Variants in ADH5 observed in about 807,000 individuals in gnomAD.
ADH5 encodes alcohol dehydrogenase 5 (class III), chi polypeptide.
A neutral mutation model predicts 40.3 loss-of-function variants in ADH5; 32 were observed. The observed-to-expected ratio is 0.79, with a 90% CI of 0.60 to 1.07. ADH5 has a LOEUF of 1.07. Among genes scored for constraint, ADH5 ranks in the 50% least tolerant of loss-of-function variants. The pLI is 0.00. For synonymous variants in ADH5, 125 were observed against 154.3 expected (o/e 0.81, Z 1.41); for missense variants, 353 against 460.5 (o/e 0.77, Z 2.14).
intron 4 of ADH5, among the ~76,000 whole-genome samples, chr4:99,078,343 A>G (rs1466085511): frequency 6.6e-6 from 1 of 152,254 alleles, no homozygotes; most frequent in East Asian, 1.9e-4. Context: ...AAGAGCAAAT[A>G]CATTTCCTTT....
intron 1 of ADH5, among the ~76,000 whole-genome samples, chr4:99,086,716 G>T (rs188726203): frequency 2.6e-5 from 4 of 151,744 alleles, no homozygotes; most frequent in African/African-American, 7.3e-5. Context: ...AGGCCGAGGC[G>T]GGCGGATCAC....
intron 4 of ADH5, 86 bp from the exon 5 acceptor site, chr4:99,077,009 A>T: frequency 1.0e-6 from 1 of 959,642 alleles, no homozygotes; most frequent in Non-Finnish European, 1.5e-6. Context: ...AATAATGACC[A>T]GTAAATATTA....
At chr4:99,081,584 G>A in intron 3 of ADH5, 132 bp from the exon 4 acceptor site, 1 of 653,876 alleles carries the variant, frequency 1.5e-6, no homozygotes, top group Non-Finnish European at 2.7e-6. Context: ...ACTTTACCTA[G>A]GTAACATCAT....
chr4:99,084,724 T>G (rs1190691119), intron 2 of ADH5, among the ~76,000 whole-genome samples: 3 of 152,218 alleles, frequency 2.0e-5, no homozygotes, highest in Non-Finnish European at 4.4e-5. Context: ...ACAAGAACCC[T>G]CTCTGGGGTC....
chr4:99,077,500 T>TAA (rs28730620), intron 4 of ADH5, among the ~76,000 whole-genome samples: 2 of 150,704 alleles, frequency 1.3e-5, no homozygotes, highest in African/African-American at 4.9e-5. Context: ...GTCTCAAAAA[T>TAA]AAAAAAAAAT....
At chr4:99,085,301 T>G (rs1046592197) in intron 1 of ADH5, 85 bp from the exon 2 acceptor site, 3 of 529,814 alleles carry the variant, frequency 5.7e-6, no homozygotes, top group African/African-American at 2.0e-5. Flanking sequence ...AGATTAATGC[T>G]AATCTTAAAA....
chr4:99,087,208 ACC>A (rs1310604346), intron 1 of ADH5, among the ~76,000 whole-genome samples: 1 of 151,890 alleles, frequency 6.6e-6, no homozygotes, highest in African/African-American at 2.4e-5. Flanking sequence ...CTATGGCGAA[ACC>A]CCGTCTCTAC....
chr4:99,082,764 C>A (rs761278804), intron 2 of ADH5, among the ~76,000 whole-genome samples: 1 of 152,152 alleles, frequency 6.6e-6, no homozygotes, highest in Non-Finnish European at 1.5e-5. Flanking sequence ...GCAAACTCCG[C>A]CTCCTGGGTT....
chr4:99,079,099 G>A lies in ADH5; in HGVS notation c.345-2176C>T, dbSNP rs28730612. ...CAAGTGTAAACTGGTACAAGTACAC[G>A]AGAGAGCTGTAGATGCATATCTTAC... On this transcript the variant is annotated intron_variant, in intron 4 of 8. Transcript: ENST00000296412. Among the ~76,000 whole-genome samples the A allele has an allele frequency of 5.5e-3, 842 of 152,310 alleles. 13 individuals carry two copies. Among genetic ancestry groups the A allele is most frequent in the Admixed American group, 0.031 (469 of 15,296 alleles).
intron 7 of ADH5, among the ~76,000 whole-genome samples, chr4:99,073,367 A>G (rs890689664): frequency 6.6e-6 from 1 of 152,102 alleles, no homozygotes; most frequent in Non-Finnish European, 1.5e-5. Flanking sequence ...TTTAGTAAAG[A>G]TGGGGTTTCA....
intron 7 of ADH5, among the ~76,000 whole-genome samples, chr4:99,073,108 T>C (rs554800445): frequency 2.0e-5 from 3 of 152,370 alleles, no homozygotes; most frequent in Non-Finnish European, 4.4e-5. Flanking sequence ...AACAATGAAA[T>C]AGGGATAGCA....
intron 1 of ADH5, among the ~76,000 whole-genome samples, chr4:99,086,529 C>A (rs555270052): frequency 6.6e-6 from 1 of 152,264 alleles, no homozygotes; most frequent in East Asian, 1.9e-4. Context: ...AAGAGTGTAA[C>A]TTTGCTTGGT....
chr4:99,072,894 T>C (rs28730641), intron 7 of ADH5, among the ~76,000 whole-genome samples, 183 bp from the exon 8 acceptor site: 9,572 of 152,272 alleles, frequency 0.063, 464 homozygotes, highest in African/African-American at 0.14. Context: ...TAAATACTTT[T>C]GAAATTTCCC....
chr4:99,087,607 A>T (rs73832541), intron 1 of ADH5, among the ~76,000 whole-genome samples: 43 of 152,344 alleles, frequency 2.8e-4, no homozygotes, highest in African/African-American at 1.0e-3. Context: ...TAGGAATCCA[A>T]AGAAACAAGA....
intron 4 of ADH5, chr4:99,079,951 G>A (rs28730610): frequency 0.017 from 7,445 of 451,164 alleles, 397 homozygotes; most frequent in African/African-American, 0.13. Flanking sequence ...ATATCTTAAC[G>A]GCTGGTGATA....
At chr4:99,084,535 C>A (rs115242403) in intron 2 of ADH5, among the ~76,000 whole-genome samples, 4 of 152,168 alleles carry the variant, frequency 2.6e-5, no homozygotes, top group African/African-American at 9.7e-5. Flanking sequence ...GGAAAACTCA[C>A]GAATAACCCA....
At chr4:99,077,043 T>G (rs527581569) in intron 4 of ADH5, 120 bp from the exon 5 acceptor site, 2 of 704,334 alleles carry the variant, frequency 2.8e-6, no homozygotes, top group African/African-American at 3.6e-5. Flanking sequence ...AACTACAATT[T>G]CAAATATATT....
intron 3 of ADH5, 142 bp downstream of exon 3, chr4:99,081,833 C>T (rs1448396180): frequency 2.4e-6 from 2 of 834,076 alleles, no homozygotes; most frequent in Admixed American, 6.4e-5. Flanking sequence ...ATTTGTGCTT[C>T]CCAGATGAGG....
At chr4:99,080,069 C>T in intron 4 of ADH5, 1 of 410,340 alleles carries the variant, frequency 2.4e-6, no homozygotes, top group Non-Finnish European at 4.7e-6. Flanking sequence ...GTACTGAATT[C>T]ACAAAAATAT....
Sources: gnomAD v4.1 joint callset for allele counts (sites outside exome capture counted in the v4.1 genomes callset) on GRCh38, gnomAD v4.1.1 for gene constraint, MANE v1.5 for transcripts, NCBI Gene and HGNC (gene_info 2026-07-23, HGNC 2026-07-21) for gene names.